Variants in PSMC5 observed in about 807,000 individuals in gnomAD.
PSMC5 encodes 26S proteasome regulatory subunit 8.
A neutral mutation model predicts 49.1 loss-of-function variants in PSMC5; 11 were observed. That is an observed-to-expected ratio of 0.22 (90% CI 0.14 to 0.37). The LOEUF is 0.37. PSMC5 is among the 10% of genes least tolerant of loss of function. The pLI is 1.00. For synonymous variants in PSMC5, 206 were observed against 192.2 expected, an observed-to-expected ratio of 1.07 and a Z score of -0.59; for missense variants, 229 against 520.9, an observed-to-expected ratio of 0.44 and a Z score of 5.45.
chr17:63,827,558 T>C, intron 1 of PSMC5, 44 bp downstream of exon 1: 1 of 1,546,676 alleles, frequency 6.5e-7, no homozygotes, highest in South Asian at 1.2e-5. Flanking sequence ...CGGGGCTGGG[T>C]GCGGAGCGAG....
chr17:63,827,786 G>A (rs1567756063), intron 1 of PSMC5: 1 of 1,430,900 alleles, frequency 7.0e-7, no homozygotes, highest in Non-Finnish European at 9.1e-7. Flanking sequence ...GCAGGAGACG[G>A]GACGCCAGTC....
At chr17:63,827,547 A>G (rs2040123542) in intron 1 of PSMC5, 33 bp downstream of exon 1, 2 of 1,551,122 alleles carry the variant, frequency 1.3e-6, no homozygotes, top group African/African-American at 1.4e-5. Flanking sequence ...CCGGCAGGTT[A>G]CGGGGCTGGG....
chr17:63,830,770 G>T lies in PSMC5; in HGVS notation c.553-39G>T, dbSNP rs765206617. The T allele has an allele frequency of 1.2e-6, 2 of 1,611,580 alleles. No homozygotes were observed. Among genetic ancestry groups the T allele is most frequent in the South Asian group, 1.1e-5 (1 of 90,806 alleles). On this transcript the variant is annotated intron_variant, in intron 6 of 11. Transcript: ENST00000310144. The surrounding 1 kb of genome is among the most constrained non-coding windows in gnomAD (Gnocchi z 4.0). ...AAATGTTCACTGAATGAAATGAGGG[G>T]TGTAGCTTTCTGCCCTGAGTCCTGC...
intron 2 of PSMC5, chr17:63,829,143 G>A (rs1037228874): frequency 3.3e-5 from 8 of 243,762 alleles, no homozygotes; most frequent in Admixed American, 2.0e-4. Context: ...GATTGACAGC[G>A]GCTGGGCTAG....
intron 1 of PSMC5, 82 bp downstream of exon 1, chr17:63,827,596 G>T: frequency 6.4e-7 from 1 of 1,550,436 alleles, no homozygotes; most frequent in Non-Finnish European, 8.7e-7. Context: ...GCGGGCCGGG[G>T]CAGGAGCGTC....
rs759360446 is a variant in PSMC5, at chr17:63,830,281, A to G, written c.332A>G (p.Asn111Ser). The G allele has an allele frequency of 3.0e-5, 48 of 1,614,006 alleles. No homozygotes were observed. The highest frequency in any genetic ancestry group is 3.7e-5 in the Non-Finnish European group (44 of 1,180,034). The change falls in exon 6 of 12, where the codon AAT becomes AGT. Residue 111 changes from asparagine to serine, a missense_variant. Physicochemically the swap from Asn to Ser is conservative, Grantham distance 46. Transcript: ENST00000310144. The surrounding 1 kb of genome is among the most constrained non-coding windows in gnomAD (Gnocchi z 4.0). ...KNIDINDVTP[N>S]CRVALRNDSY... ...GCCCCCTTCACCCAGGTGACACCCA[A>G]TTGCCGGGTGGCTCTAAGGAATGAC...
Position 63,830,733 on chromosome 17 carries a change from C to T in PSMC5, c.553-76C>T. ...GTATCCCTAACATCTAGCAAGGGAC[C>T]CAGCACTCGGTAAATGTTCACTGAA... is the stretch of plus-strand genomic sequence containing the variant. On this transcript the variant is annotated intron_variant, in intron 6 of 11. Transcript: ENST00000310144. The surrounding 1 kb of genome is among the most constrained non-coding windows in gnomAD (Gnocchi z 4.0). The T allele has an allele frequency of 6.4e-7, 1 of 1,571,152 alleles. No individual in the cohort carries two copies. The highest frequency in any genetic ancestry group is 8.6e-7 in the Non-Finnish European group (1 of 1,156,102).
intron 3 of PSMC5, 102 bp from the exon 4 acceptor site, chr17:63,829,750 C>A: frequency 7.3e-7 from 1 of 1,367,656 alleles, no homozygotes; most frequent in Non-Finnish European, 1.0e-6. Context: ...TGACCTTTGG[C>A]CTTCCTTTAA....
At position 63,829,480 on chromosome 17, in the gene PSMC5, C is replaced by G. The variant is rs754140351; in HGVS notation, c.97-14C>G. 4.5e-6 allele frequency: 7 copies of G among 1,552,270 alleles called. No homozygotes were observed. The highest frequency in any genetic ancestry group is 5.2e-6 in the Non-Finnish European group (6 of 1,147,296). ...TGCCCTTGAATAATGGAATTTGTCT[C>G]TTGTCTGCCACAGCTGATTGTGAAT... On this transcript the variant is annotated splice_polypyrimidine_tract_variant and intron_variant, in intron 2 of 11. Coordinates refer to ENST00000310144, the MANE Select transcript of PSMC5 (RefSeq NM_002805.6).
Position 63,827,521 on chromosome 17 carries a change from C to G in PSMC5, c.24+7C>G, listed in dbSNP as rs868816249. On this transcript the variant is annotated splice_region_variant and intron_variant, in intron 1 of 11. Coordinates refer to ENST00000310144, the MANE Select transcript of PSMC5 (RefSeq NM_002805.6). ...GCTTGACGGACCAGAGCAGGTATGG[C>G]GGGTGCAGTGGCGGCCCGGCAGGTT... 21 of 1,551,546 alleles carry G rather than the reference C, an allele frequency of 1.4e-5. No individual in the cohort carries two copies. Among genetic ancestry groups the G allele is most frequent in the Non-Finnish European group, 1.7e-5 (19 of 1,147,002 alleles).
chr17:63,829,505 T>C lies in PSMC5; in HGVS notation c.108T>C (p.Asn36=). The change falls in exon 3 of 12, where the codon AAT becomes AAC. Residue 36 remains asparagine (N), a synonymous_variant. Coordinates refer to ENST00000310144, the MANE Select transcript of PSMC5 (RefSeq NM_002805.6). ...CTTGTCTGCCACAGCTGATTGTGAA[T>C]GATAAGAGCCAAAACCTCCGGAGGC... is the stretch of plus-strand genomic sequence containing the variant. The part of the protein sequence containing the change: ...SKIEELQLIV[N]DKSQNLRRLQ... The C allele has an allele frequency of 6.4e-7, 1 of 1,554,618 alleles. No individual in the cohort carries two copies.
At chr17:63,827,817 C>T in intron 1 of PSMC5, 1 of 1,428,590 alleles carries the variant, frequency 7.0e-7, no homozygotes, top group Non-Finnish European at 9.1e-7. Flanking sequence ...GTTCCGCTGG[C>T]TCCTTCGTCA....
In PSMC5 at chr17:63,830,660, G is replaced by A; in HGVS notation, c.553-149G>A. 1 of 1,453,534 alleles carries A rather than the reference G, an allele frequency of 6.9e-7. No individual in the cohort carries two copies. Among genetic ancestry groups the A allele is most frequent in the Non-Finnish European group, 9.1e-7 (1 of 1,095,566 alleles). 90.0% of individuals were successfully genotyped at this position (1,453,534 alleles called of 1,614,324 possible). On this transcript the variant is annotated intron_variant, in intron 6 of 11. Coordinates refer to ENST00000310144, the MANE Select transcript of PSMC5 (RefSeq NM_002805.6). This position sits in a 1 kb window ranked among gnomAD's most constrained non-coding sequence, Gnocchi z 4.0. ...TGGCTGGGGAAGTGTTCCTAGGGCG[G>A]TGAGGTGGTTTGGATAGAAGGGACC...
chr17:63,827,593 G>C (rs1379765383), intron 1 of PSMC5, 79 bp downstream of exon 1: 1 of 1,550,388 alleles, frequency 6.4e-7, no homozygotes, highest in Non-Finnish European at 8.7e-7. Context: ...AGAGCGGGCC[G>C]GGGCAGGAGC....
In PSMC5 at chr17:63,831,124, C is replaced by G; in HGVS notation, c.768C>G (p.Ser256=). 6.4e-7 allele frequency: 1 copy of G among 1,568,532 alleles called. No homozygotes were observed. The change falls in exon 8 of 12, where the codon TCC becomes TCG. Residue 256 remains serine (S), a synonymous_variant. Transcript: ENST00000310144. The surrounding 1 kb of genome is among the most constrained non-coding windows in gnomAD (Gnocchi z 6.3). ...IFMDEIDSIG[S]SRLEGGSGGD... ...TGGACGAAATCGACTCCATCGGCTC[C>G]TCGCGGCTGGAGGGGGGTTCTGGAG...
Position 63,828,212 on chromosome 17 carries a change from G to A in PSMC5, c.96+3G>A. ...TGTCCAAGATTGAAGAACTCCAGGT[G>A]AGGACGGACTCCAGAGGGAGCTAGG... On this transcript the variant is annotated splice_donor_region_variant and intron_variant, in intron 2 of 11. Transcript: ENST00000310144. 4 of 1,614,068 alleles carry A rather than the reference G, an allele frequency of 2.5e-6. No individual in the cohort carries two copies. Among genetic ancestry groups the A allele is most frequent in the Non-Finnish European group, 3.4e-6 (4 of 1,179,962 alleles).
chr17:63,829,021 A>G (rs554272612), intron 2 of PSMC5: 1 of 155,042 alleles, frequency 6.4e-6, no homozygotes, highest in Non-Finnish European at 1.4e-5. Context: ...ATGTGTTTTT[A>G]TTCGTTCACC....
At position 63,831,488 on chromosome 17, in the gene PSMC5, T is replaced by TA; in HGVS notation, c.970-18_970-17insA. On this transcript the variant is annotated splice_polypyrimidine_tract_variant and intron_variant, in intron 9 of 11. Coordinates refer to ENST00000310144, the MANE Select transcript of PSMC5 (RefSeq NM_002805.6). This position sits in a 1 kb window ranked among gnomAD's most constrained non-coding sequence, Gnocchi z 6.3. Reference sequence around the variant, plus strand: ...GGGGGTGGGGTGTGGGGCTCAGGCTTTTCCTTGCCATCTCCAGGCCCGGCT... The same window carrying TA: ...GGGGGTGGGGTGTGGGGCTCAGGCTTATTCCTTGCCATCTCCAGGCCCGGCT... The TA allele has an allele frequency of 6.2e-7, 1 of 1,613,730 alleles. No homozygotes were observed. Among genetic ancestry groups the TA allele is most frequent in the Non-Finnish European group, 8.5e-7 (1 of 1,179,684 alleles).
rs753338881 is a variant in PSMC5 at position 63,831,894 on chromosome 17, T to G, written c.1168-22T>G. 1.2e-6 allele frequency: 2 copies of G among 1,613,580 alleles called. No individual in the cohort carries two copies. The highest frequency in any genetic ancestry group is 1.7e-6 in the Non-Finnish European group (2 of 1,179,606). ...CATGTGTGTGTTCGTAACTTAATGT[T>G]CATTCTCTCTCCCACCCCTAGGTCA... On this transcript the variant is annotated intron_variant, in intron 11 of 11. Transcript: ENST00000310144. The surrounding 1 kb of genome is among the most constrained non-coding windows in gnomAD (Gnocchi z 6.3).
Sources: gnomAD v4.1 joint callset for allele counts on GRCh38, gnomAD v4.1.1 for gene constraint, Gnocchi (gnomAD v3.1) non-coding constraint, MANE v1.5 for transcripts, NCBI Gene and HGNC (gene_info 2026-07-23, HGNC 2026-07-21) for gene names.